STAT5B: variants seen among roughly 807,000 people sequenced by gnomAD.
STAT5B encodes transcription factor STAT5B.
A neutral mutation model predicts 107.8 loss-of-function variants in STAT5B; 21 were observed. The observed-to-expected ratio is 0.19, with a 90% CI of 0.14 to 0.28. The LOEUF (loss-of-function observed/expected upper bound fraction) is 0.28. Among genes scored for constraint, STAT5B ranks in the 10% least tolerant of loss-of-function variants. The pLI is 1.00. For synonymous variants in STAT5B, 325 were observed against 401.7 expected (o/e 0.81, Z 2.28); for missense variants, 565 against 1,008.2 (o/e 0.56, Z 5.95).
intron 1 of STAT5B, among the ~76,000 whole-genome samples, chr17:42,236,830 G>A (rs768773173): frequency 3.3e-5 from 5 of 152,142 alleles, no homozygotes; most frequent in South Asian, 2.1e-4. Flanking sequence ...TCATCTAACC[G>A]GCATTCATCC....
chr17:42,246,895 C>T (rs1420936252), intron 1 of STAT5B, among the ~76,000 whole-genome samples: 1 of 152,206 alleles, frequency 6.6e-6, no homozygotes, highest in Admixed American at 6.5e-5. Context: ...GTCTAGAAAG[C>T]TATCATTACA....
At chr17:42,278,994 A>T (rs1392695511), upstream of STAT5B, among the ~76,000 whole-genome samples, 1 of 144,906 alleles carries the variant, frequency 6.9e-6, no homozygotes, top group Non-Finnish European at 1.5e-5. Flanking sequence ...AAAAAAAAAT[A>T]TTTGTAAAGA....
chr17:42,237,607 C>T (rs2080366890), intron 1 of STAT5B, among the ~76,000 whole-genome samples: 1 of 151,950 alleles, frequency 6.6e-6, no homozygotes, highest in African/African-American at 2.4e-5. Context: ...TAATATTATG[C>T]ATAATATGAA....
At chr17:42,256,273 G>T (rs142941615) in intron 1 of STAT5B, among the ~76,000 whole-genome samples, 7 of 151,782 alleles carry the variant, frequency 4.6e-5, no homozygotes, top group Middle Eastern at 3.2e-3. Flanking sequence ...TTGAGACAGC[G>T]TCTCACTCTG....
At chr17:42,204,773 C>T (rs1286433629) in intron 16 of STAT5B, among the ~76,000 whole-genome samples, 4 of 152,320 alleles carry the variant, frequency 2.6e-5, no homozygotes, top group South Asian at 4.1e-4. Flanking sequence ...CGCCACCAAG[C>T]GCAGCTAACT....
intron 16 of STAT5B, 24 bp from the exon 17 acceptor site, chr17:42,202,832 A>G (rs1487469385): frequency 6.2e-7 from 1 of 1,614,250 alleles, no homozygotes; most frequent in Admixed American, 1.7e-5. Flanking sequence ...AATGTAGTAA[A>G]TCAAAGTTCT....
Position 42,218,406 on chromosome 17 carries a change from G to A in STAT5B, c.990-76C>T, listed in dbSNP as rs879664325. The stretch of plus-strand genomic sequence containing the variant: ...AGGGCTCTCAGTCCCTCTGTGGTGG[G>A]GGTGGGGCTGCCTCCCGAGGGGCTC... On this transcript the variant is annotated intron_variant, in intron 8 of 18. Transcript: ENST00000293328. The A allele has an allele frequency of 3.1e-4, 486 of 1,566,020 alleles. 1 individual carries two copies. The highest frequency in any genetic ancestry group is 1.1e-3 in the Middle Eastern group (5 of 4,356).
intron 17 of STAT5B, 117 bp downstream of exon 17, chr17:42,202,640 A>C: frequency 6.4e-7 from 1 of 1,562,408 alleles, no homozygotes; most frequent in South Asian, 1.1e-5. Flanking sequence ...GTCCTTCCCC[A>C]GGGCTGAGAC....
chr17:42,215,991 A>G (rs755819028), intron 12 of STAT5B, 23 bp downstream of exon 12: 2 of 1,611,930 alleles, frequency 1.2e-6, no homozygotes, highest in South Asian at 2.2e-5. Context: ...TTTGGGACCC[A>G]CATGCCCGAG....
chr17:42,243,580 T>C (rs1367917664), intron 1 of STAT5B, among the ~76,000 whole-genome samples: 2 of 152,030 alleles, frequency 1.3e-5, no homozygotes, highest in Non-Finnish European at 2.9e-5. Flanking sequence ...TGGTGGGGAG[T>C]GTGGGAAAGT....
At chr17:42,273,480 C>A (rs1393180072) in intron 1 of STAT5B, among the ~76,000 whole-genome samples, 3 of 152,148 alleles carry the variant, frequency 2.0e-5, no homozygotes, top group Admixed American at 1.3e-4. Context: ...TTCAAATTAT[C>A]AGAAAAATCA....
At chr17:42,222,678 G>T (rs1239276305) in intron 5 of STAT5B, among the ~76,000 whole-genome samples, 1 of 147,690 alleles carries the variant, frequency 6.8e-6, no homozygotes, top group East Asian at 2.0e-4. Context: ...TCCCAGCTTA[G>T]AATTTTTTTT....
At chr17:42,267,334 G>T (rs2080681749) in intron 1 of STAT5B, among the ~76,000 whole-genome samples, 1 of 152,144 alleles carries the variant, frequency 6.6e-6, no homozygotes, top group Non-Finnish European at 1.5e-5. Context: ...TCCTTCAGGA[G>T]GCATTGTTAT....
rs2080027702 is a variant in STAT5B, at chr17:42,199,563, AG to A, written c.*2174del. 1 of 152,298 alleles carries A rather than the reference AG, an allele frequency of 6.6e-6. No homozygotes were observed. 9.4% of individuals were successfully genotyped at this position (152,298 alleles called of 1,614,324 possible). On this transcript the variant is annotated 3_prime_UTR_variant, in exon 19 of 19. Coordinates refer to ENST00000293328, the MANE Select transcript of STAT5B (RefSeq NM_012448.4). ...CCACTACCTTTATCTTGTGGTTTGC[AG>A]GAACAAGGAGGAGAGAGAAGATAGA... is the stretch of plus-strand genomic sequence containing the variant.
At chr17:42,256,861 CAAAAAAAAAAAAAA>C (rs781345676) in intron 1 of STAT5B, among the ~76,000 whole-genome samples, 149 of 44,818 alleles carry the variant, frequency 3.3e-3, no homozygotes, top group African/African-American at 0.014. Context: ...GACTCTGTCT[CAAAAAAAAAAAAAA>C]AAAAAAAAAA....
intron 2 of STAT5B, among the ~76,000 whole-genome samples, chr17:42,229,851 C>T (rs780241213): frequency 6.6e-6 from 1 of 150,592 alleles, no homozygotes; most frequent in African/African-American, 2.4e-5. Context: ...GGTGACAGAG[C>T]GAGACTCCAT....
At chr17:42,276,471 C>G (rs948062749), upstream of STAT5B, 7 of 149,138 alleles carry the variant, frequency 4.7e-5, no homozygotes, top group Non-Finnish European at 9.0e-5. This position sits in a 1 kb window ranked among gnomAD's most constrained non-coding sequence, Gnocchi z 4.8. Context: ...CGCTGGCAAC[C>G]CGGAGCGCGC....
chr17:42,285,009 C>T, the STAT5B span, among the ~76,000 whole-genome samples: 20 of 152,076 alleles, frequency 1.3e-4, no homozygotes, highest in African/African-American at 4.3e-4. Flanking sequence ...AGTGTGCCAA[C>T]TGAAGCCTAG....
At chr17:42,240,608 A>G (rs2080393913) in intron 1 of STAT5B, among the ~76,000 whole-genome samples, 1 of 152,154 alleles carries the variant, frequency 6.6e-6, no homozygotes, top group Non-Finnish European at 1.5e-5. Context: ...TCAAAGGGTG[A>G]ATTTTATAGT....
Sources: allele counts gnomAD v4.1 joint callset (sites outside exome capture counted in the v4.1 genomes callset), GRCh38; gene constraint gnomAD v4.1.1; non-coding constraint Gnocchi (gnomAD v3.1); transcripts MANE v1.5; gene names NCBI Gene and HGNC (gene_info 2026-07-23, HGNC 2026-07-21).